The following CNTN3 variants were observed in gnomAD, a reference collection of about 807,000 sequenced individuals.
The protein encoded by CNTN3 is contactin-3.
Under a neutral mutation model 119.1 loss-of-function variants are expected in CNTN3, and 60 were observed. The observed-to-expected ratio is 0.50, with a 90% CI of 0.41 to 0.62. The LOEUF is 0.62. Among genes scored for constraint, CNTN3 ranks in the 20% least tolerant of loss-of-function variants. The pLI is 0.00. For synonymous variants in CNTN3, 450 were observed against 438.7 expected (o/e 1.03, Z -0.32); for missense variants, 1,101 against 1,242.4 (o/e 0.89, Z 1.71).
At chr3:74,284,507 G>A (rs1450304344) in intron 20 of CNTN3, among the ~76,000 whole-genome samples, 1 of 152,106 alleles carries the variant, frequency 6.6e-6, no homozygotes, top group Non-Finnish European at 1.5e-5. Flanking sequence ...TTAAATGTGG[G>A]AATGAGCATA....
At chr3:74,446,525 T>G (rs1702050836) in intron 4 of CNTN3, among the ~76,000 whole-genome samples, 1 of 152,142 alleles carries the variant, frequency 6.6e-6, no homozygotes, top group South Asian at 2.1e-4. Flanking sequence ...GCCAGTGACA[T>G]GTAGCAGTCT....
intron 13 of CNTN3, among the ~76,000 whole-genome samples, chr3:74,317,621 T>G (rs1314708302): frequency 6.6e-6 from 1 of 152,158 alleles, no homozygotes; most frequent in Non-Finnish European, 1.5e-5. Context: ...GGATATGAAA[T>G]TCTGGGTTGA....
intron 20 of CNTN3, among the ~76,000 whole-genome samples, chr3:74,273,554 A>G (rs922037245): frequency 3.9e-5 from 6 of 152,164 alleles, no homozygotes; most frequent in African/African-American, 1.4e-4. Flanking sequence ...GGGAAACTGA[A>G]GGTCTAATTT....
chr3:74,438,460 G>A (rs1701908171), intron 4 of CNTN3, among the ~76,000 whole-genome samples: 1 of 152,144 alleles, frequency 6.6e-6, no homozygotes, highest in South Asian at 2.1e-4. Flanking sequence ...CCTTTCTCTA[G>A]GCAAAGATAA....
At chr3:74,397,171 T>C (rs1397991728) in intron 5 of CNTN3, among the ~76,000 whole-genome samples, 1 of 152,194 alleles carries the variant, frequency 6.6e-6, no homozygotes, top group Non-Finnish European at 1.5e-5. Context: ...AGAATTCCAC[T>C]AAATCTACTC....
In CNTN3 at chr3:74,371,391, A is replaced by G. The variant is rs1338401840; in HGVS notation, c.463T>C (p.Tyr155His). The change falls in exon 6 of 23, where the codon TAT becomes CAT. Residue 155 changes from tyrosine to histidine, a missense_variant. Tyr to His is a moderately conservative substitution (Grantham distance 83). Transcript: ENST00000263665. ...GPPPHSGELS[Y>H]AWIFNEYPSF... ...GGGTATTCATTGAAGATCCAAGCAT[A>G]TGACAGTTCTAATAAAATTGTTGAA... 6.2e-7 allele frequency: 1 copy of G among 1,611,674 alleles called. No homozygotes were observed. The highest frequency in any genetic ancestry group is 1.3e-5 in the African/African-American group (1 of 74,832).
Position 74,521,185 on chromosome 3 carries a change from C to T in CNTN3, c.-73G>A, listed in dbSNP as rs1703537065. The T allele has an allele frequency of 4.1e-6, 3 of 731,778 alleles. No individual in the cohort carries two copies. Among genetic ancestry groups the T allele is most frequent in the African/African-American group, 1.9e-5 (1 of 53,324 alleles). The allele number at this position is 731,778 out of a possible 1,614,324, so 45.3% of individuals were successfully genotyped here. On this transcript the variant is annotated 5_prime_UTR_variant, in exon 2 of 23. Transcript: ENST00000263665. ...TAGAATGCTTTCTCTTCAGGTAAAT[C>T]CTTTAATCTGTAAAATATATGTACA... is the stretch of plus-strand genomic sequence containing the variant.
chr3:74,363,586 T>C (rs1179165331), intron 10 of CNTN3, among the ~76,000 whole-genome samples: 3 of 152,130 alleles, frequency 2.0e-5, no homozygotes, highest in Non-Finnish European at 4.4e-5. Context: ...GAAACAAGTA[T>C]TAACCCAAAT....
At chr3:74,451,546 T>C (rs1238019418) in intron 4 of CNTN3, among the ~76,000 whole-genome samples, 6 of 152,198 alleles carry the variant, frequency 3.9e-5, no homozygotes. Context: ...ATTTTGGCTT[T>C]TGTTGCCATT....
chr3:74,457,865 A>G (rs183357563), intron 4 of CNTN3, among the ~76,000 whole-genome samples: 1 of 152,178 alleles, frequency 6.6e-6, no homozygotes, highest in Non-Finnish European at 1.5e-5. Flanking sequence ...GATCAGAACA[A>G]GAGTTCTACA....
chr3:74,333,747 T>A (rs1339035122), intron 13 of CNTN3, among the ~76,000 whole-genome samples: 1 of 152,192 alleles, frequency 6.6e-6, no homozygotes, highest in African/African-American at 2.4e-5. Flanking sequence ...ATCCTTTAAG[T>A]TGCATATGAT....
At chr3:74,383,159 C>T (rs1000535950) in intron 5 of CNTN3, among the ~76,000 whole-genome samples, 1 of 152,068 alleles carries the variant, frequency 6.6e-6, no homozygotes, top group Non-Finnish European at 1.5e-5. Flanking sequence ...CTACTCATAC[C>T]CTGTTCTTAT....
At chr3:74,461,507 G>C (rs1702367133) in intron 4 of CNTN3, among the ~76,000 whole-genome samples, 1 of 151,848 alleles carries the variant, frequency 6.6e-6, no homozygotes, top group Non-Finnish European at 1.5e-5. Flanking sequence ...ATAATAGTTG[G>C]TGCTACATAC....
chr3:74,301,502 T>C lies in CNTN3; in HGVS notation c.1991A>G (p.Glu664Gly). The change falls in exon 16 of 23, where the codon GAG (glutamate) becomes GGG (glycine). Residue 664 changes from glutamate to glycine, a missense_variant. Glu to Gly is a moderately conservative substitution (Grantham distance 98). Transcript: ENST00000263665. ...TTCATATTCCACCCATGGGTTTAAC[T>C]CAACTACAGTGGCTGTGTGCGTCTT... ...DGKTHTATVV[E>G]LNPWVEYEFR... is the part of the protein sequence containing the mutation. 1 of 1,614,132 alleles carries C rather than the reference T, an allele frequency of 6.2e-7. No homozygotes were observed. Among genetic ancestry groups the C allele is most frequent in the Non-Finnish European group, 8.5e-7 (1 of 1,180,002 alleles).
chr3:74,387,110 G>A (rs1012809609), intron 5 of CNTN3, among the ~76,000 whole-genome samples: 1 of 152,194 alleles, frequency 6.6e-6, no homozygotes, highest in South Asian at 2.1e-4. Flanking sequence ...CCAAAGTGAT[G>A]ATGTGTGGAG....
intron 18 of CNTN3, 116 bp downstream of exon 18, chr3:74,297,841 G>T: frequency 1.4e-6 from 1 of 736,724 alleles, no homozygotes. Context: ...ACTACTACCT[G>T]GATGATTGTT....
intron 4 of CNTN3, among the ~76,000 whole-genome samples, chr3:74,479,536 C>G (rs1334577826): frequency 6.6e-6 from 1 of 152,072 alleles, no homozygotes; most frequent in East Asian, 1.9e-4. Context: ...AGCTAAGTCT[C>G]TCGATTGAGT....
At chr3:74,524,478 A>C (rs1703587450) in intron 1 of CNTN3, among the ~76,000 whole-genome samples, 1 of 151,928 alleles carries the variant, frequency 6.6e-6, no homozygotes, top group African/African-American at 2.4e-5. Context: ...AGTCCTCATC[A>C]GGAAGGTTAG....
At chr3:74,445,007 T>G (rs1311004593) in intron 4 of CNTN3, among the ~76,000 whole-genome samples, 1 of 152,156 alleles carries the variant, frequency 6.6e-6, no homozygotes, top group Admixed American at 6.5e-5. Context: ...AATACAGCTA[T>G]TTTTCCTGAA....
Sources: gnomAD v4.1 joint callset for allele counts (sites outside exome capture counted in the v4.1 genomes callset) on GRCh38, gnomAD v4.1.1 for gene constraint, MANE v1.5 for transcripts, NCBI Gene and HGNC (gene_info 2026-07-23, HGNC 2026-07-21) for gene names.